The following MAGI2 variants were observed in gnomAD, a reference collection of about 807,000 sequenced individuals.
MAGI2 encodes the protein membrane-associated guanylate kinase, WW and PDZ domain-containing protein 2.
A neutral mutation model predicts 133.3 loss-of-function variants in MAGI2; 35 were observed. That is an observed-to-expected ratio of 0.26 (90% confidence interval 0.20 to 0.35). The LOEUF (loss-of-function observed/expected upper bound fraction) is 0.35, where lower values mean the gene tolerates loss of function less well. Among genes scored for constraint, MAGI2 ranks in the 10% least tolerant of loss-of-function variants. MAGI2 has a pLI of 1.00. For missense variants in MAGI2, 1,636 were observed against 1,863.4 expected (o/e 0.88, Z 2.25); for synonymous variants, 729 against 710.6 (o/e 1.03, Z -0.41).
At chr7:78,755,867 G>A (rs1299040045) in intron 2 of MAGI2, among the ~76,000 whole-genome samples, 3 of 152,188 alleles carry the variant, frequency 2.0e-5, no homozygotes, top group Non-Finnish European at 4.4e-5. Context: ...TGTCAAAATT[G>A]TGTTGCTTCC....
At chr7:78,382,770 C>T (rs1795042062) in intron 6 of MAGI2, among the ~76,000 whole-genome samples, 1 of 152,028 alleles carries the variant, frequency 6.6e-6, no homozygotes, top group African/African-American at 2.4e-5. Context: ...AACTTCCACT[C>T]ACCTTTCATA....
Position 79,453,355 on chromosome 7 carries a change from C to G in MAGI2, c.-35G>C, listed in dbSNP as rs768430042. On this transcript the variant is annotated 5_prime_UTR_variant, in exon 1 of 22. Transcript: ENST00000354212. ...GCGAGTCGCCTCAGTTCCTGGGCTC[C>G]TTGGGGTTAGGGGGGCTGGTGGTGA... is the stretch of plus-strand genomic sequence containing the variant. 6 of 1,570,992 alleles carry G rather than the reference C, an allele frequency of 3.8e-6. No homozygotes were observed. The Admixed American group carries it at 9.2e-5, about 24-fold the overall frequency.
intron 6 of MAGI2, among the ~76,000 whole-genome samples, chr7:78,456,373 G>T (rs1018008217): frequency 6.6e-6 from 1 of 152,058 alleles, no homozygotes; most frequent in Non-Finnish European, 1.5e-5. Flanking sequence ...TTCTATGTAA[G>T]AATCCTTCAT....
At chr7:79,306,503 CT>C (rs1837828200) in intron 1 of MAGI2, among the ~76,000 whole-genome samples, 1 of 151,732 alleles carries the variant, frequency 6.6e-6, no homozygotes, top group African/African-American at 2.4e-5. Context: ...TACATTTTTA[CT>C]TTCAAATTCT....
intron 2 of MAGI2, among the ~76,000 whole-genome samples, chr7:78,756,568 A>T (rs1823968979): frequency 6.6e-6 from 1 of 152,166 alleles, no homozygotes. Flanking sequence ...ATGTTTGCAC[A>T]AAATGAGGGT....
chr7:79,357,161 T>A (rs1000881339), intron 1 of MAGI2, among the ~76,000 whole-genome samples: 2 of 152,212 alleles, frequency 1.3e-5, no homozygotes, highest in African/African-American at 4.8e-5. Context: ...CTGTGATTTC[T>A]TCAGATTAGT....
At chr7:79,209,715 C>T (rs1328116804) in intron 1 of MAGI2, among the ~76,000 whole-genome samples, 12 of 152,158 alleles carry the variant, frequency 7.9e-5, no homozygotes, top group Middle Eastern at 6.8e-3. Context: ...ATATTGTGAA[C>T]ACAACTCCAC....
chr7:78,600,900 G>T (rs1805130094), intron 3 of MAGI2, among the ~76,000 whole-genome samples: 1 of 152,210 alleles, frequency 6.6e-6, no homozygotes, highest in Non-Finnish European at 1.5e-5. Flanking sequence ...TGCTAAGGAA[G>T]TTGAAAATGA....
At chr7:78,837,639 A>G (rs1791757363) in intron 2 of MAGI2, among the ~76,000 whole-genome samples, 1 of 152,170 alleles carries the variant, frequency 6.6e-6, no homozygotes, top group African/African-American at 2.4e-5. Context: ...TGTAAAAATT[A>G]AATATTTCTT....
chr7:79,344,217 TA>T (rs35800680), intron 1 of MAGI2, among the ~76,000 whole-genome samples: 76,687 of 149,124 alleles, frequency 0.51, 20,644 homozygotes, highest in Non-Finnish European at 0.61. Flanking sequence ...CTTCACTGGT[TA>T]AAAAAAAAAA....
At chr7:78,064,328 T>TTGTGGGTGTGTG (rs1813591156) in intron 21 of MAGI2, among the ~76,000 whole-genome samples, 1 of 148,494 alleles carries the variant, frequency 6.7e-6, no homozygotes, top group Non-Finnish European at 1.5e-5. Flanking sequence ...TGTGATGGTT[T>TTGTGGGTGTGTG]TGTGTGTGTG....
intron 1 of MAGI2, among the ~76,000 whole-genome samples, chr7:79,028,329 A>ATG (rs1491444380): frequency 3.5e-5 from 1 of 28,314 alleles, no homozygotes; most frequent in African/African-American, 9.8e-5. Context: ...ATATATATAC[A>ATG]TATATATACA....
At chr7:79,237,897 G>A (rs574390319) in intron 1 of MAGI2, among the ~76,000 whole-genome samples, 10 of 152,134 alleles carry the variant, frequency 6.6e-5, no homozygotes, top group Non-Finnish European at 5.9e-5. Context: ...TATTTCCTTA[G>A]GATAGACTTC....
chr7:78,573,537 C>G (rs566847406), intron 3 of MAGI2, among the ~76,000 whole-genome samples: 1 of 146,090 alleles, frequency 6.8e-6, no homozygotes, highest in Non-Finnish European at 1.5e-5. Flanking sequence ...CCTTTCGGGT[C>G]GCTTGATAAA....
intron 1 of MAGI2, among the ~76,000 whole-genome samples, chr7:79,200,848 ATGT>A (rs1828549322): frequency 3.3e-5 from 5 of 151,946 alleles, no homozygotes; most frequent in Admixed American, 3.3e-4. Context: ...TTCCTGAGAA[ATGT>A]ATGTATTTTT....
chr7:78,292,287 T>C (rs1402099489), intron 9 of MAGI2, among the ~76,000 whole-genome samples: 2 of 152,048 alleles, frequency 1.3e-5, no homozygotes, highest in African/African-American at 4.8e-5. Context: ...TATACACCAA[T>C]AACAGACAAA....
chr7:79,254,118 A>G (rs200401389), intron 1 of MAGI2, among the ~76,000 whole-genome samples: 10 of 106,174 alleles, frequency 9.4e-5, no homozygotes, highest in African/African-American at 3.8e-4. Flanking sequence ...TCTTGGTGTT[A>G]TGTTATGTGA....
Position 78,137,136 on chromosome 7 carries a change from G to A in MAGI2, c.2846-1930C>T, listed in dbSNP as rs533169025. Among the ~76,000 whole-genome samples, 37 of 151,768 alleles carry A rather than the reference G, an allele frequency of 2.4e-4. 1 individual carries two copies. In the South Asian group the frequency reaches 7.5e-3, roughly 31 times the overall value. On this transcript the variant is annotated intron_variant, in intron 16 of 21. Coordinates refer to ENST00000354212, the MANE Select transcript of MAGI2 (RefSeq NM_012301.4). ...GATGTAGGCATTGCAAGGTATTTAG[G>A]GTTGCAATTATAATTAGGGTGAACT...
intron 1 of MAGI2, among the ~76,000 whole-genome samples, chr7:79,282,326 T>C (rs1474983440): frequency 6.6e-6 from 1 of 152,126 alleles, no homozygotes; most frequent in African/African-American, 2.4e-5. Flanking sequence ...AGCCTCCAGA[T>C]GAGAATTACA....
Sources: allele counts gnomAD v4.1 joint callset (sites outside exome capture counted in the v4.1 genomes callset), GRCh38; gene constraint gnomAD v4.1.1; transcripts MANE v1.5; gene names NCBI Gene and HGNC (gene_info 2026-07-23, HGNC 2026-07-21).